MAGI3: variants seen among roughly 807,000 people sequenced by gnomAD.
MAGI3 encodes the protein membrane associated guanylate kinase, WW and PDZ domain containing 3, also known as membrane-associated guanylate kinase, WW and PDZ domain-containing protein 3.
A neutral mutation model predicts 121.8 loss-of-function variants in MAGI3; 43 were observed. The observed-to-expected ratio is 0.35, with a 90% CI of 0.28 to 0.46. MAGI3 has a LOEUF of 0.46. MAGI3 is among the 20% of genes least tolerant of loss of function. MAGI3 has a pLI of 1.00. For synonymous variants in MAGI3, 553 were observed against 639.3 expected, an observed-to-expected ratio of 0.86 and a Z score of 2.04; for missense variants, 1,547 against 1,797.3, an observed-to-expected ratio of 0.86 and a Z score of 2.52.
At chr1:113,461,702 C>CA (rs1403033530) in intron 1 of MAGI3, among the ~76,000 whole-genome samples, 1 of 152,116 alleles carries the variant, frequency 6.6e-6, no homozygotes, top group East Asian at 1.9e-4. Flanking sequence ...GCAATCACAA[C>CA]AAAAGCAAAA....
intron 1 of MAGI3, among the ~76,000 whole-genome samples, chr1:113,503,649 A>T (rs2101598432): frequency 6.6e-6 from 1 of 152,234 alleles, no homozygotes; most frequent in African/African-American, 2.4e-5. Flanking sequence ...CTTGGCATCA[A>T]GTTGATATTC....
intron 7 of MAGI3, chr1:113,618,560 C>G: frequency 2.2e-6 from 1 of 445,120 alleles, no homozygotes; most frequent in Middle Eastern, 7.1e-4. Flanking sequence ...AGCTGGAGTG[C>G]AATGGCATGA....
chr1:113,459,988 T>A (rs1352057807), intron 1 of MAGI3, among the ~76,000 whole-genome samples: 1 of 152,210 alleles, frequency 6.6e-6, no homozygotes, highest in African/African-American at 2.4e-5. Flanking sequence ...TTCAGGCCAG[T>A]ATCCTTGATG....
chr1:113,648,067 C>T (rs866411072), intron 12 of MAGI3, among the ~76,000 whole-genome samples: 2 of 151,956 alleles, frequency 1.3e-5, no homozygotes, highest in Non-Finnish European at 2.9e-5. Flanking sequence ...GCACTACAGG[C>T]GTATGCCACC....
chr1:113,646,240 T>A (rs2101829709), intron 11 of MAGI3, among the ~76,000 whole-genome samples: 1 of 152,282 alleles, frequency 6.6e-6, no homozygotes, highest in East Asian at 1.9e-4. Context: ...TGTTTAAACA[T>A]AGGACTAACT....
intron 6 of MAGI3, among the ~76,000 whole-genome samples, chr1:113,596,762 T>G (rs1309704621): frequency 6.6e-6 from 1 of 151,778 alleles, no homozygotes; most frequent in Non-Finnish European, 1.5e-5. Context: ...TTAAAACCAC[T>G]GTGATCTACT....
At chr1:113,539,680 C>T (rs1048271761) in intron 1 of MAGI3, among the ~76,000 whole-genome samples, 4 of 151,780 alleles carry the variant, frequency 2.6e-5, no homozygotes, top group African/African-American at 9.7e-5. Context: ...TGCATATATT[C>T]AGTTATGTTT....
chr1:113,578,591 T>A (rs981683552), intron 2 of MAGI3, among the ~76,000 whole-genome samples: 3 of 152,134 alleles, frequency 2.0e-5, no homozygotes, highest in African/African-American at 2.4e-5. Context: ...TGGCTAATTT[T>A]AAAAATTTTT....
chr1:113,414,091 C>T (rs183848662), intron 1 of MAGI3, among the ~76,000 whole-genome samples: 3 of 151,948 alleles, frequency 2.0e-5, no homozygotes, highest in Admixed American at 1.3e-4. Context: ...GCATGAAGGG[C>T]TGTTGAATTT....
chr1:113,433,016 AAAT>A (rs769404431), intron 1 of MAGI3, among the ~76,000 whole-genome samples: 34 of 152,094 alleles, frequency 2.2e-4, no homozygotes, highest in Admixed American at 5.9e-4. Flanking sequence ...CCATTTCTAC[AAAT>A]AATAATAATA....
chr1:113,448,540 T>C (rs1449293253), intron 1 of MAGI3, among the ~76,000 whole-genome samples: 1 of 152,260 alleles, frequency 6.6e-6, no homozygotes, highest in Non-Finnish European at 1.5e-5. Context: ...TCTTGTCCTA[T>C]AAACTAATAT....
At chr1:113,649,069 T>C (rs1210887924) in intron 12 of MAGI3, among the ~76,000 whole-genome samples, 168 bp from the exon 13 acceptor site, 1 of 152,206 alleles carries the variant, frequency 6.6e-6, no homozygotes, top group African/African-American at 2.4e-5. Context: ...GGATTTATAG[T>C]TGAATTGTGT....
chr1:113,405,709 C>T (rs1429437697), intron 1 of MAGI3, among the ~76,000 whole-genome samples: 1 of 152,024 alleles, frequency 6.6e-6, no homozygotes, highest in Non-Finnish European at 1.5e-5. Context: ...CTGTCTGTGT[C>T]TGTGGCTCAC....
intron 1 of MAGI3, among the ~76,000 whole-genome samples, chr1:113,409,512 G>A (rs895252315): frequency 1.1e-4 from 17 of 151,946 alleles, no homozygotes; most frequent in Non-Finnish European, 2.2e-4. Flanking sequence ...GTGTGGTGGT[G>A]CATACTTGTG....
chr1:113,449,869 G>A lies in MAGI3; in HGVS notation c.316+58520G>A, dbSNP rs533298353. ...CAAACAAAACGTTCCAGGGGCTTTGGTTTTGTGACTTATTCTTGTGTTGAA... is the reference window on the plus strand; with the variant it reads ...CAAACAAAACGTTCCAGGGGCTTTGATTTTGTGACTTATTCTTGTGTTGAA... On this transcript the variant is annotated intron_variant, in intron 1 of 20. Coordinates refer to ENST00000307546, the MANE Select transcript of MAGI3 (RefSeq NM_001142782.2). The A allele has an allele frequency of 1.3e-5, 20 of 1,501,418 alleles. No individual in the cohort carries two copies. The African/African-American group carries it at 2.6e-4, about 19-fold the overall frequency. 93.0% of individuals were successfully genotyped at this position (1,501,418 alleles called of 1,614,324 possible).
intron 1 of MAGI3, among the ~76,000 whole-genome samples, chr1:113,402,986 C>T (rs187886509): frequency 6.6e-6 from 1 of 152,184 alleles, no homozygotes; most frequent in East Asian, 1.9e-4. Flanking sequence ...TGAATGTGGA[C>T]ATGAAAAAAT....
intron 2 of MAGI3, among the ~76,000 whole-genome samples, chr1:113,564,923 C>T (rs1038899296): frequency 6.6e-6 from 1 of 151,978 alleles, no homozygotes; most frequent in African/African-American, 2.4e-5. Context: ...GATCTCAGCT[C>T]ACTGCAACCT....
Position 113,616,361 on chromosome 1 carries a change from G to A in MAGI3, c.1076+1703G>A, listed in dbSNP as rs115519794. ...AGTATGGAGTCAGCTGAGCTGTGGA[G>A]TGTGGCTTGATTCCCAGATTAGTTA... is the stretch of plus-strand genomic sequence containing the variant. On this transcript the variant is annotated intron_variant, in intron 7 of 20. Coordinates refer to ENST00000307546, the MANE Select transcript of MAGI3 (RefSeq NM_001142782.2). Among the ~76,000 whole-genome samples, 875 of 152,322 alleles carry A rather than the reference G, an allele frequency of 5.7e-3. 10 individuals are homozygous for A. Among genetic ancestry groups the A allele is most frequent in the African/African-American group, 0.02 (848 of 41,566 alleles).
intron 1 of MAGI3, among the ~76,000 whole-genome samples, chr1:113,477,711 TTGC>T (rs1655901063): frequency 6.6e-6 from 1 of 152,096 alleles, no homozygotes; most frequent in South Asian, 2.1e-4. Flanking sequence ...TGTCTTGGGG[TTGC>T]ACTTCTTGAG....
Sources: allele counts gnomAD v4.1 joint callset (sites outside exome capture counted in the v4.1 genomes callset), GRCh38; gene constraint gnomAD v4.1.1; transcripts MANE v1.5; gene names NCBI Gene and HGNC (gene_info 2026-07-23, HGNC 2026-07-21).